The following DENND4A variants were observed in gnomAD, a reference collection of about 807,000 sequenced individuals.
DENND4A encodes the protein C-myc promoter-binding protein.
In DENND4A, 70 loss-of-function variants were observed where a neutral mutation model predicts 199.3. That is an observed-to-expected ratio of 0.35 (90% CI 0.29 to 0.43). The LOEUF is 0.43. DENND4A is among the 20% of genes least tolerant of loss of function. DENND4A has a pLI of 1.00. For missense variants in DENND4A, 1,723 were observed against 2,255.8 expected (o/e 0.76, Z 4.78); for synonymous variants, 686 against 766.9 (o/e 0.89, Z 1.74).
rs2077183904 is a variant in DENND4A at position 65,697,399 on chromosome 15, A to G, written c.2834-16T>C. 6 of 1,504,892 alleles carry G rather than the reference A, an allele frequency of 4.0e-6. No individual in the cohort carries two copies. The highest frequency in any genetic ancestry group is 5.5e-6 in the Non-Finnish European group (6 of 1,092,588). 93.2% of individuals were successfully genotyped at this position (1,504,892 alleles called of 1,614,324 possible). On this transcript the variant is annotated splice_polypyrimidine_tract_variant and intron_variant, in intron 20 of 32. Coordinates refer to ENST00000443035, the MANE Select transcript of DENND4A (RefSeq NM_001320835.1). ...GACTGGCCACCTGGTAAAAACAAAA[A>G]TAAACAAAACTCTATTAGAAACTTC...
At chr15:65,707,361 A>G (rs2142264019) in intron 14 of DENND4A, among the ~76,000 whole-genome samples, 1 of 152,324 alleles carries the variant, frequency 6.6e-6, no homozygotes, top group South Asian at 2.1e-4. Context: ...GATTAAGTGG[A>G]AGAGCAAGAA....
intron 23 of DENND4A, among the ~76,000 whole-genome samples, chr15:65,677,353 G>A (rs1020085196): frequency 6.6e-6 from 1 of 152,098 alleles, no homozygotes; most frequent in African/African-American, 2.4e-5. Context: ...GGGATTACAG[G>A]TGTGCACCAC....
intron 4 of DENND4A, among the ~76,000 whole-genome samples, chr15:65,748,899 G>A (rs1182760086): frequency 6.6e-6 from 1 of 151,094 alleles, no homozygotes; most frequent in Non-Finnish European, 1.5e-5. Flanking sequence ...AGGCCAAAGT[G>A]GGAGGATCAC....
At chr15:65,786,651 C>T (rs1202738227) in intron 1 of DENND4A, among the ~76,000 whole-genome samples, 1 of 152,184 alleles carries the variant, frequency 6.6e-6, no homozygotes, top group Non-Finnish European at 1.5e-5. Flanking sequence ...GTGGACACCT[C>T]TATCATCCCT....
chr15:65,721,349 T>C (rs1292762301), intron 12 of DENND4A, among the ~76,000 whole-genome samples: 7 of 151,822 alleles, frequency 4.6e-5, no homozygotes, highest in Non-Finnish European at 1.0e-4. Flanking sequence ...GTAAATACTG[T>C]TTTTATCCAT....
In DENND4A at chr15:65,661,893, C is replaced by A. The variant is rs1197624048; in HGVS notation, c.5682G>T (p.Gly1894=). ...THNCDRPPST[G]VMECRKTFGE... ...CAAAGGTTTTTCGACATTCCATCAC[C>A]CCTGTACTTGGTGGTCTATCACAGT... Residue 1894 remains glycine (G), a synonymous_variant, in exon 33 of 33, where the codon GGG becomes GGT. Coordinates refer to ENST00000443035, the MANE Select transcript of DENND4A (RefSeq NM_001320835.1). 1 of 1,612,514 alleles carries A rather than the reference C, an allele frequency of 6.2e-7. No homozygotes were observed. Among genetic ancestry groups the A allele is most frequent in the Non-Finnish European group, 8.5e-7 (1 of 1,179,228 alleles).
At chr15:65,690,343 G>A (rs1470381661) in intron 23 of DENND4A, 72 bp downstream of exon 23, 32 of 1,414,514 alleles carry the variant, frequency 2.3e-5, no homozygotes, top group Admixed American at 5.1e-5. Context: ...TAGTTAAAAC[G>A]AGTAAGGGGC....
chr15:65,686,503 G>A (rs2076786874), intron 23 of DENND4A, among the ~76,000 whole-genome samples: 1 of 152,102 alleles, frequency 6.6e-6, no homozygotes, highest in South Asian at 2.1e-4. Flanking sequence ...ATTGTTTTGA[G>A]GCTCTGTGAT....
intron 23 of DENND4A, among the ~76,000 whole-genome samples, chr15:65,678,669 TAA>T (rs1314770041): frequency 2.0e-5 from 3 of 152,204 alleles, no homozygotes; most frequent in Non-Finnish European, 4.4e-5. Flanking sequence ...CAAGTTTTAT[TAA>T]ATTCTTTTAC....
At chr15:65,718,411 C>T (rs528990806) in intron 12 of DENND4A, among the ~76,000 whole-genome samples, 1 of 151,932 alleles carries the variant, frequency 6.6e-6, no homozygotes, top group Non-Finnish European at 1.5e-5. Context: ...ATGATTGTAA[C>T]CGAGAAGGCA....
chr15:65,684,255 T>C (rs1024013819), intron 23 of DENND4A, among the ~76,000 whole-genome samples: 1 of 152,240 alleles, frequency 6.6e-6, no homozygotes, highest in Non-Finnish European at 1.5e-5. Flanking sequence ...TGCTGGGTCA[T>C]ATGTTAAATT....
chr15:65,690,369 A>C (rs540660905), intron 23 of DENND4A, 46 bp downstream of exon 23: 1 of 1,506,508 alleles, frequency 6.6e-7, no homozygotes, highest in South Asian at 1.4e-5. Flanking sequence ...GTGGTGATGG[A>C]TATGTGTGTG....
chr15:65,718,532 C>T (rs1406310512), intron 12 of DENND4A, among the ~76,000 whole-genome samples: 4 of 151,954 alleles, frequency 2.6e-5, no homozygotes, highest in Admixed American at 2.6e-4. Flanking sequence ...ACCTCCCACA[C>T]CACTACTATT....
At chr15:65,729,385 T>C (rs2075895802) in intron 10 of DENND4A, 138 bp from the exon 11 acceptor site, 19 of 1,367,832 alleles carry the variant, frequency 1.4e-5, no homozygotes, top group Non-Finnish European at 1.9e-5. Flanking sequence ...ATAACTAGAG[T>C]TAATGGTCAG....
At chr15:65,706,510 T>A (rs113412850) in intron 14 of DENND4A, among the ~76,000 whole-genome samples, 3,541 of 117,790 alleles carry the variant, frequency 0.03, 63 homozygotes, top group South Asian at 0.037. Flanking sequence ...ATATATATAT[T>A]TTTTTTTGAG....
chr15:65,771,603 C>T (rs2077128230), intron 1 of DENND4A: 1 of 1,612,654 alleles, frequency 6.2e-7, no homozygotes, highest in Non-Finnish European at 8.5e-7. Flanking sequence ...TCTTCTCTTT[C>T]ATGTCCACTA....
chr15:65,740,347 C>T (rs1386171759), intron 5 of DENND4A, among the ~76,000 whole-genome samples: 2 of 150,208 alleles, frequency 1.3e-5, no homozygotes, highest in Non-Finnish European at 3.0e-5. Context: ...CAGCAGCTCA[C>T]GCCTGTAATC....
chr15:65,670,982 A>AT (rs2076199134), intron 25 of DENND4A, among the ~76,000 whole-genome samples: 3 of 152,218 alleles, frequency 2.0e-5, no homozygotes, highest in Non-Finnish European at 2.9e-5. Context: ...GAAAAAGTAT[A>AT]ACTTTTTCAT....
chr15:65,737,679 A>C lies in DENND4A; in HGVS notation c.1040+28T>G, dbSNP rs766211156. The C allele has an allele frequency of 1.9e-6, 3 of 1,541,990 alleles. No individual in the cohort carries two copies. In the South Asian group the frequency reaches 3.7e-5, roughly 19 times the overall value. On this transcript the variant is annotated intron_variant, in intron 7 of 32. Transcript: ENST00000443035. ...TGCCACATAATGGAAAGATCTGTCA[A>C]ATGTTGAACCAAGAACACTTAACTT...
Sources: gnomAD v4.1 joint callset for allele counts (sites outside exome capture counted in the v4.1 genomes callset) on GRCh38, gnomAD v4.1.1 for gene constraint, MANE v1.5 for transcripts, NCBI Gene and HGNC (gene_info 2026-07-23, HGNC 2026-07-21) for gene names.